NFAM1: variants seen among roughly 807,000 people sequenced by gnomAD.
NFAM1 encodes the protein NFAT activating protein with ITAM motif 1, also known as NFAT activation molecule 1.
Under a neutral mutation model 29.0 loss-of-function variants are expected in NFAM1, and 17 were observed. That is an observed-to-expected ratio of 0.59 (90% CI 0.40 to 0.88). The LOEUF is 0.88. Ranked by LOEUF, NFAM1 falls within the 40% of genes least tolerant of loss-of-function variation. The pLI is 0.00. For synonymous variants in NFAM1, 175 were observed against 147.2 expected (o/e 1.19, Z -1.36); for missense variants, 324 against 344.6 (o/e 0.94, Z 0.47).
chr22:42,433,401 G>A (rs879923782), upstream of NFAM1, among the ~76,000 whole-genome samples: 5 of 152,198 alleles, frequency 3.3e-5, no homozygotes, highest in African/African-American at 1.2e-4. Context: ...GTACAAAAGA[G>A]AAGACCTCGG....
At chr22:42,395,885 A>T (rs1202438690) in intron 4 of NFAM1, among the ~76,000 whole-genome samples, 1 of 136,060 alleles carries the variant, frequency 7.3e-6, no homozygotes, top group African/African-American at 3.1e-5. Context: ...TCTGCTCAAA[A>T]AAAAAAAAAA....
intron 4 of NFAM1, among the ~76,000 whole-genome samples, chr22:42,396,159 C>A (rs1929518874): frequency 1.3e-5 from 2 of 152,154 alleles, no homozygotes; most frequent in Non-Finnish European, 2.9e-5. Flanking sequence ...AGCTGGCCTG[C>A]AACTCTGCAG....
At chr22:42,402,253 G>A (rs1426267845) in intron 3 of NFAM1, among the ~76,000 whole-genome samples, 1 of 152,200 alleles carries the variant, frequency 6.6e-6, no homozygotes, top group South Asian at 2.1e-4. Flanking sequence ...CCAAGGCTTG[G>A]GCCTGAGCAT....
At position 42,388,196 on chromosome 22, in the gene NFAM1, G is replaced by A. The variant is rs2147089478; in HGVS notation, c.664-1118C>T. 7.4e-6 allele frequency among the ~76,000 whole-genome samples: 1 copy of A among 135,318 alleles called. No individual in the cohort carries two copies. The highest frequency in any genetic ancestry group is 2.5e-4 in the South Asian group (1 of 4,062). The allele number at this position is 135,318 out of a possible 152,430, so 88.8% of individuals were successfully genotyped here. ...TTTAAAGTCAGACAAGAGTAGGTTC[G>A]AATCTCGGCTCTGACTGCGCCAGCC... On this transcript the variant is annotated intron_variant, in intron 4 of 5. Coordinates refer to ENST00000329021, the MANE Select transcript of NFAM1 (RefSeq NM_145912.8). This position sits in a 1 kb window ranked among gnomAD's most constrained non-coding sequence, Gnocchi z 4.1.
intron 4 of NFAM1, among the ~76,000 whole-genome samples, chr22:42,391,802 G>A (rs1479040214): frequency 5.9e-5 from 9 of 151,978 alleles, no homozygotes; most frequent in South Asian, 4.2e-4. Flanking sequence ...AAAACTAGCC[G>A]GGTGTGGTAG....
rs1569232004 is a variant in NFAM1, at chr22:42,411,456, G to A, written c.402C>T (p.His134=). 2.5e-6 allele frequency: 4 copies of A among 1,614,218 alleles called. No individual in the cohort carries two copies. Among genetic ancestry groups the A allele is most frequent in the South Asian group, 1.1e-5 (1 of 91,090 alleles). ...SATGTYYCSV[H]WPHSTVRGSG... ...TGCCTCTCACCGTGGAGTGTGGCCA[G>A]TGGACAGAGCAGTAGTAGGTGCCAG... Residue 134 remains histidine (H), a synonymous_variant, in exon 2 of 6, where the codon CAC becomes CAT. Coordinates refer to ENST00000329021, the MANE Select transcript of NFAM1 (RefSeq NM_145912.8).
chr22:42,403,100 G>A (rs550855060), intron 3 of NFAM1, among the ~76,000 whole-genome samples: 1 of 151,696 alleles, frequency 6.6e-6, no homozygotes, highest in East Asian at 2.0e-4. Context: ...GACTCCCAAA[G>A]TGTTGGGATT....
chr22:42,432,170 G>C (rs1158492847), intron 1 of NFAM1, 67 bp downstream of exon 1: 48 of 1,392,818 alleles, frequency 3.4e-5, no homozygotes, highest in Non-Finnish European at 4.6e-5. Flanking sequence ...GCTGCGCCGG[G>C]CGGGATGAAA....
At chr22:42,413,450 T>C (rs1265432993) in intron 1 of NFAM1, among the ~76,000 whole-genome samples, 1 of 152,098 alleles carries the variant, frequency 6.6e-6, no homozygotes, top group Non-Finnish European at 1.5e-5. Context: ...CTGGCAATGC[T>C]GATATTTTGA....
At chr22:42,412,317 G>A (rs1930123546) in intron 1 of NFAM1, among the ~76,000 whole-genome samples, 1 of 151,998 alleles carries the variant, frequency 6.6e-6, no homozygotes, top group Admixed American at 6.5e-5. Context: ...TGCACTTGCT[G>A]TGTGCCGGAG....
Position 42,391,910 on chromosome 22 carries a change from A to G in NFAM1, c.664-4832T>C, listed in dbSNP as rs996296431. ...CAGTGAGCCGAGATCACGCCACTGC[A>G]CTCCAGCCTGGGTGACAAGAGCGAG... On this transcript the variant is annotated intron_variant, in intron 4 of 5. Coordinates refer to ENST00000329021, the MANE Select transcript of NFAM1 (RefSeq NM_145912.8). 4.3e-5 allele frequency among the ~76,000 whole-genome samples: 6 copies of G among 140,528 alleles called. No homozygotes were observed. The South Asian group carries it at 1.1e-3, about 26-fold the overall frequency. The allele number at this position is 140,528 out of a possible 152,430, so 92.2% of individuals were successfully genotyped here. A position where few individuals can be genotyped will look rare whatever the true frequency, so the allele number is the denominator to read the frequency against.
chr22:42,409,634 C>G lies in NFAM1; in HGVS notation c.452-87G>C, dbSNP rs535366023. 1.3e-5 allele frequency: 8 copies of G among 596,946 alleles called. No homozygotes were observed. The South Asian group carries it at 1.4e-4, about 10-fold the overall frequency. 37.0% of individuals were successfully genotyped at this position (596,946 alleles called of 1,614,324 possible). ...CCTGATGTTCTCCCTCACTCAGGAC[C>G]CTGTTTTCAATGCTACCCCGCCAAC... On this transcript the variant is annotated intron_variant, in intron 2 of 5. Coordinates refer to ENST00000329021, the MANE Select transcript of NFAM1 (RefSeq NM_145912.8). The surrounding 1 kb of genome is among the most constrained non-coding windows in gnomAD (Gnocchi z 4.9).
chr22:42,433,389 T>C (rs1040216565), upstream of NFAM1, among the ~76,000 whole-genome samples: 1 of 152,128 alleles, frequency 6.6e-6, no homozygotes, highest in African/African-American at 2.4e-5. Context: ...ATGATCCCAG[T>C]TGTACAAAAG....
intron 3 of NFAM1, among the ~76,000 whole-genome samples, chr22:42,405,689 G>T (rs1454643523): frequency 6.6e-6 from 1 of 152,176 alleles, no homozygotes; most frequent in African/African-American, 2.4e-5. Flanking sequence ...CCCATCTCGG[G>T]TCTTCTTGGC....
At chr22:42,424,271 C>G (rs1030605878) in intron 1 of NFAM1, among the ~76,000 whole-genome samples, 1 of 152,030 alleles carries the variant, frequency 6.6e-6, no homozygotes. Context: ...AAAAATTAGA[C>G]GAGCATGGTG....
intron 1 of NFAM1, among the ~76,000 whole-genome samples, chr22:42,413,334 C>A (rs1930155220): frequency 6.6e-6 from 1 of 152,172 alleles, no homozygotes; most frequent in African/African-American, 2.4e-5. Context: ...CAGTTCAGCT[C>A]TGAGCCAGAG....
upstream of NFAM1, among the ~76,000 whole-genome samples, chr22:42,433,380 T>A (rs1466918921): frequency 6.6e-6 from 1 of 152,194 alleles, no homozygotes; most frequent in African/African-American, 2.4e-5. Context: ...ATAAATGTGA[T>A]GATCCCAGTT....
chr22:42,423,559 A>AAATAAATAAATAAATAAATCAATC, intron 1 of NFAM1, among the ~76,000 whole-genome samples: 1 of 152,100 alleles, frequency 6.6e-6, no homozygotes. Context: ...TGAAATAAAT[A>AAATAAATAAATAAATAAATCAATC]AATAAATAAA....
chr22:42,429,354 G>A (rs1049419241), intron 1 of NFAM1, among the ~76,000 whole-genome samples: 2 of 152,196 alleles, frequency 1.3e-5, no homozygotes, highest in Non-Finnish European at 2.9e-5. Flanking sequence ...GGTGGCTCAC[G>A]CCTGTAATCC....
Sources: allele counts gnomAD v4.1 joint callset (sites outside exome capture counted in the v4.1 genomes callset), GRCh38; gene constraint gnomAD v4.1.1; non-coding constraint Gnocchi (gnomAD v3.1); transcripts MANE v1.5; gene names NCBI Gene and HGNC (gene_info 2026-07-23, HGNC 2026-07-21).